The following TSC22D1 variants were observed in gnomAD, a reference collection of about 807,000 sequenced individuals.
The protein encoded by TSC22D1 is TSC22 domain family member 1, also known as TSC22 domain family protein 1.
A neutral mutation model predicts 74.2 loss-of-function variants in TSC22D1; 9 were observed. The ratio of observed to expected loss-of-function variants is 0.12; its 90% CI spans 0.07 to 0.21. TSC22D1 has a LOEUF of 0.21. Among genes scored for constraint, TSC22D1 ranks in the 10% least tolerant of loss-of-function variants. The pLI is 1.00. For synonymous variants in TSC22D1, 586 were observed against 492.5 expected (o/e 1.19, Z -2.51); for missense variants, 1,427 against 1,304.7 (o/e 1.09, Z -1.44).
rs186276176 is a variant in TSC22D1, at chr13:44,568,877, G to A, written c.2912+4286C>T. On this transcript the variant is annotated intron_variant, in intron 1 of 2. Transcript: ENST00000458659. ...ATAATAGACAGGTGGGGATGGAGCA[G>A]GGAAGCAGCCACAAAACACTGTACA... 1.5e-3 allele frequency among the ~76,000 whole-genome samples: 235 copies of A among 152,224 alleles called. 1 individual carries two copies. The highest frequency in any genetic ancestry group is 5.5e-3 in the African/African-American group (227 of 41,530).
At chr13:44,495,552 T>C (rs1474060206) in intron 1 of TSC22D1, among the ~76,000 whole-genome samples, 1 of 152,178 alleles carries the variant, frequency 6.6e-6, no homozygotes, top group African/African-American at 2.4e-5. Context: ...CAACTCTTCT[T>C]TTTTTACCCT....
At chr13:44,509,496 C>T (rs529925901) in intron 1 of TSC22D1, among the ~76,000 whole-genome samples, 31 of 152,150 alleles carry the variant, frequency 2.0e-4, no homozygotes, top group South Asian at 1.2e-3. Context: ...AAAAATGAGC[C>T]GGACGTGGTG....
Position 44,517,823 on chromosome 13 carries a change from GTGTGTGTA to G in TSC22D1, c.2912+55332_2912+55339del, listed in dbSNP as rs1182313853. On this transcript the variant is annotated intron_variant, in intron 1 of 2. Coordinates refer to ENST00000458659, the MANE Select transcript of TSC22D1 (RefSeq NM_183422.4). ...TACACACATATATATGTGTGTGTGT[GTGTGTGTA>G]TATATATATATATATATATATATAT... 4.0e-3 allele frequency among the ~76,000 whole-genome samples: 143 copies of G among 36,034 alleles called. 1 individual carries two copies. The highest frequency in any genetic ancestry group is 0.012 in the African/African-American group (125 of 10,446). 23.6% of individuals were successfully genotyped at this position (36,034 alleles called of 152,430 possible).
At chr13:44,465,782 G>A (rs1226515128) in intron 1 of TSC22D1, among the ~76,000 whole-genome samples, 1 of 152,154 alleles carries the variant, frequency 6.6e-6, no homozygotes, top group Non-Finnish European at 1.5e-5. Flanking sequence ...AGACCAGCCT[G>A]GCCAACGTGG....
intron 1 of TSC22D1, among the ~76,000 whole-genome samples, chr13:44,442,308 A>G (rs1361295752): frequency 6.6e-6 from 1 of 152,260 alleles, no homozygotes; most frequent in Non-Finnish European, 1.5e-5. Flanking sequence ...AAGCAGGGAA[A>G]TATCACTCAT....
intron 1 of TSC22D1, among the ~76,000 whole-genome samples, chr13:44,542,681 T>C (rs1258493990): frequency 6.6e-6 from 1 of 152,110 alleles, no homozygotes; most frequent in East Asian, 1.9e-4. Context: ...GTAGAAATTA[T>C]TTTGAAATCA....
chr13:44,557,662 T>A (rs1882762522), intron 1 of TSC22D1, among the ~76,000 whole-genome samples: 1 of 152,176 alleles, frequency 6.6e-6, no homozygotes, highest in Admixed American at 6.5e-5. Context: ...CCACTCAAAA[T>A]TAAAAATCTG....
At position 44,436,828 on chromosome 13, in the gene TSC22D1, A is replaced by G. The variant is rs548155394; in HGVS notation, c.2913-733T>C. ...AGTGCCGTGAAGAGGCGCTTCCCAG[A>G]TCCGCAGCCGGGCTCCACTCAGCTC... On this transcript the variant is annotated intron_variant, in intron 1 of 2. Transcript: ENST00000458659. The G allele has an allele frequency of 7.7e-5, 104 of 1,350,264 alleles. 2 individuals carry two copies. The South Asian group carries it at 2.1e-3, about 28-fold the overall frequency. The allele number at this position is 1,350,264 out of a possible 1,614,324, so 83.6% of individuals were successfully genotyped here.
At chr13:44,552,140 T>C (rs1215765820) in intron 1 of TSC22D1, among the ~76,000 whole-genome samples, 1 of 152,216 alleles carries the variant, frequency 6.6e-6, no homozygotes, top group Non-Finnish European at 1.5e-5. Flanking sequence ...TCTTCAGAAA[T>C]GTCTCCCAAT....
At chr13:44,467,809 C>A (rs1213541170) in intron 1 of TSC22D1, among the ~76,000 whole-genome samples, 2 of 152,252 alleles carry the variant, frequency 1.3e-5, no homozygotes, top group African/African-American at 2.4e-5. Context: ...GAAATTGGTA[C>A]AACCTCTGTA....
At position 44,575,923 on chromosome 13, in the gene TSC22D1, T is replaced by G; in HGVS notation, c.152A>C (p.Asn51Thr). Residue 51 changes from asparagine (N) to threonine (T), a missense_variant, in exon 1 of 3, where the codon AAT (asparagine) becomes ACT (threonine). Physicochemically the swap from Asn to Thr is moderately conservative, Grantham distance 65. Transcript: ENST00000458659. The stretch of plus-strand genomic sequence containing the variant: ...CGGAAAATCCTCGGAAGATGTGGCA[T>G]TACTACCGACGCCGGTACCTGCTGC... Reference protein sequence around the residue: ...LNAAGTGVGSNATSSEDFPPP... With the variant: ...LNAAGTGVGSTATSSEDFPPP... The G allele has an allele frequency of 6.2e-7, 1 of 1,613,460 alleles. No homozygotes were observed. The highest frequency in any genetic ancestry group is 8.5e-7 in the Non-Finnish European group (1 of 1,179,836).
chr13:44,436,438 T>G (rs1874636549), intron 1 of TSC22D1: 1 of 1,558,962 alleles, frequency 6.4e-7, no homozygotes, highest in Admixed American at 1.8e-5. Flanking sequence ...CCTGGCTATC[T>G]TTCACCTGTA....
intron 1 of TSC22D1, among the ~76,000 whole-genome samples, chr13:44,502,514 C>A (rs1595121658): frequency 1.3e-5 from 2 of 152,188 alleles, no homozygotes; most frequent in Non-Finnish European, 2.9e-5. Flanking sequence ...TGGTTGATGA[C>A]CAATGCTATT....
At chr13:44,545,588 A>G (rs1881769418) in intron 1 of TSC22D1, among the ~76,000 whole-genome samples, 1 of 152,006 alleles carries the variant, frequency 6.6e-6, no homozygotes, top group Admixed American at 6.6e-5. Context: ...TACTGAAAAA[A>G]AAAAAAAAAA....
intron 1 of TSC22D1, among the ~76,000 whole-genome samples, chr13:44,454,282 A>T (rs1178969146): frequency 6.6e-6 from 1 of 152,222 alleles, no homozygotes; most frequent in Non-Finnish European, 1.5e-5. Context: ...TAATCAGGAT[A>T]ACTAAATTAA....
chr13:44,448,516 T>C (rs576764648), intron 1 of TSC22D1, among the ~76,000 whole-genome samples: 19 of 152,342 alleles, frequency 1.2e-4, no homozygotes, highest in African/African-American at 3.4e-4. Context: ...GAATGTCTAA[T>C]GTAGTACAGG....
intron 1 of TSC22D1, chr13:44,539,483 C>G (rs1371170480): frequency 1.0e-6 from 1 of 985,294 alleles, no homozygotes; most frequent in Non-Finnish European, 1.2e-6. Context: ...ACCACAAAGG[C>G]CAAAATGGGT....
At chr13:44,570,475 A>G (rs1431263909) in intron 1 of TSC22D1, among the ~76,000 whole-genome samples, 1 of 152,156 alleles carries the variant, frequency 6.6e-6, no homozygotes, top group Admixed American at 6.5e-5. Context: ...TACAGGTGTG[A>G]GCCACCGCAC....
At chr13:44,437,188 C>CTCT (rs1874774674) in intron 1 of TSC22D1, 1 of 985,404 alleles carries the variant, frequency 1.0e-6, no homozygotes, top group Admixed American at 6.1e-5. Flanking sequence ...TTAAGGGAGT[C>CTCT]AGACCCCGGT....
Sources: allele counts gnomAD v4.1 joint callset (sites outside exome capture counted in the v4.1 genomes callset), GRCh38; gene constraint gnomAD v4.1.1; transcripts MANE v1.5; gene names NCBI Gene and HGNC (gene_info 2026-07-23, HGNC 2026-07-21).